The following SERGEF variants were observed in gnomAD, a reference collection of about 807,000 sequenced individuals.
The protein encoded by SERGEF is secretion-regulating guanine nucleotide exchange factor.
In SERGEF, 51 loss-of-function variants were observed where a neutral mutation model predicts 50.0. That is an observed-to-expected ratio of 1.02 (90% CI 0.81 to 1.29). The LOEUF is 1.29. Among genes scored for constraint, SERGEF ranks in the 50% most tolerant of loss-of-function variants. The probability of loss-of-function intolerance (pLI) is 0.00; values close to 1 mark genes in which losing one functional copy is unlikely to be tolerated. For synonymous variants in SERGEF, 205 were observed against 212.4 expected, an observed-to-expected ratio of 0.97 and a Z score of 0.30; for missense variants, 521 against 557.0, an observed-to-expected ratio of 0.94 and a Z score of 0.65.
chr11:17,944,057 A>G (rs1440540294), intron 9 of SERGEF, among the ~76,000 whole-genome samples: 1 of 152,102 alleles, frequency 6.6e-6, no homozygotes, highest in African/African-American at 2.4e-5. Context: ...CCTTCCAAGT[A>G]GCTGAGACTA....
At chr11:17,847,983 C>T (rs1274973684) in intron 10 of SERGEF, among the ~76,000 whole-genome samples, 2 of 152,066 alleles carry the variant, frequency 1.3e-5, no homozygotes, top group African/African-American at 4.8e-5. Context: ...ATTTTTCTTC[C>T]ATTATAAGCA....
At chr11:17,913,089 T>C (rs1851983798) in intron 9 of SERGEF, among the ~76,000 whole-genome samples, 1 of 152,096 alleles carries the variant, frequency 6.6e-6, no homozygotes, top group South Asian at 2.1e-4. Flanking sequence ...AAAGAAAAAA[T>C]ATCTGCACTA....
rs1400890475 is a variant in SERGEF, at chr11:17,884,115, A to C, written c.1012-5871T>G. Among the ~76,000 whole-genome samples, 1 of 152,302 alleles carries C rather than the reference A, an allele frequency of 6.6e-6. No homozygotes were observed. The highest frequency in any genetic ancestry group is 6.5e-5 in the Admixed American group (1 of 15,310). On this transcript the variant is annotated intron_variant, in intron 9 of 10. Coordinates refer to ENST00000265965, the MANE Select transcript of SERGEF (RefSeq NM_012139.4). This position sits in a 1 kb window ranked among gnomAD's most constrained non-coding sequence, Gnocchi z 4.6. ...GCCAGCCGCAGCCCAAAGGCCACCC[A>C]GGGTGCCAGATGGACAGCGAGGCCT...
At chr11:17,809,180 A>C (rs1294963063) in intron 10 of SERGEF, among the ~76,000 whole-genome samples, 1 of 152,212 alleles carries the variant, frequency 6.6e-6, no homozygotes, top group African/African-American at 2.4e-5. Flanking sequence ...GAGCATTCTA[A>C]GTAGATAGAA....
intron 9 of SERGEF, among the ~76,000 whole-genome samples, chr11:17,885,087 G>A (rs1405504594): frequency 2.6e-5 from 4 of 152,170 alleles, no homozygotes; most frequent in Non-Finnish European, 5.9e-5. Flanking sequence ...TTGATACAGA[G>A]TGTCCCTGTC....
intron 10 of SERGEF, among the ~76,000 whole-genome samples, chr11:17,843,435 T>G (rs557478303): frequency 6.6e-6 from 1 of 152,324 alleles, no homozygotes; most frequent in South Asian, 2.1e-4. Flanking sequence ...CAGGTGCCAT[T>G]CTCCTTATTT....
chr11:17,992,032 TC>T (rs1853720411), intron 7 of SERGEF, among the ~76,000 whole-genome samples: 1 of 152,166 alleles, frequency 6.6e-6, no homozygotes, highest in Admixed American at 6.5e-5. Flanking sequence ...GGGATTACTG[TC>T]ACTTTCAAGA....
intron 9 of SERGEF, among the ~76,000 whole-genome samples, chr11:17,901,041 C>T (rs1851740843): frequency 6.6e-6 from 1 of 152,014 alleles, no homozygotes; most frequent in Non-Finnish European, 1.5e-5. Context: ...CCCTTCCCAC[C>T]CCCAAATCTG....
At chr11:17,933,148 A>T (rs1016412876) in intron 9 of SERGEF, among the ~76,000 whole-genome samples, 1 of 152,204 alleles carries the variant, frequency 6.6e-6, no homozygotes, top group African/African-American at 2.4e-5. Flanking sequence ...TATAACAGCA[A>T]ATTTCCTGTA....
chr11:17,902,413 A>G (rs1851763845), intron 9 of SERGEF, among the ~76,000 whole-genome samples: 1 of 152,118 alleles, frequency 6.6e-6, no homozygotes, highest in Non-Finnish European at 1.5e-5. Flanking sequence ...GCCACAAGGG[A>G]GCAAACAGGA....
intron 10 of SERGEF, among the ~76,000 whole-genome samples, chr11:17,874,988 T>A (rs1223682180): frequency 6.6e-6 from 1 of 152,220 alleles, no homozygotes; most frequent in Non-Finnish European, 1.5e-5. Flanking sequence ...TTAGGCATTG[T>A]TCTTAGCACT....
intron 10 of SERGEF, among the ~76,000 whole-genome samples, chr11:17,797,273 C>T (rs552337459): frequency 6.8e-4 from 103 of 152,320 alleles, no homozygotes; most frequent in African/African-American, 2.3e-3. Flanking sequence ...TAAACAACAG[C>T]GGGTCTCCAG....
At chr11:17,812,181 A>G (rs1849887578) in intron 10 of SERGEF, among the ~76,000 whole-genome samples, 1 of 152,196 alleles carries the variant, frequency 6.6e-6, no homozygotes, top group Admixed American at 6.5e-5. Context: ...ACTGCACGGG[A>G]GACTGAGAAA....
intron 9 of SERGEF, among the ~76,000 whole-genome samples, chr11:17,955,725 C>T (rs550975397): frequency 7.2e-5 from 11 of 152,236 alleles, no homozygotes; most frequent in Non-Finnish European, 8.8e-5. Flanking sequence ...AGCATCATAC[C>T]AAGTCCCACA....
At chr11:17,791,960 C>T (rs1849490511) in intron 10 of SERGEF, among the ~76,000 whole-genome samples, 1 of 152,184 alleles carries the variant, frequency 6.6e-6, no homozygotes, top group Non-Finnish European at 1.5e-5. Flanking sequence ...CTCAGTTTGA[C>T]TTAAAATTTT....
intron 10 of SERGEF, among the ~76,000 whole-genome samples, chr11:17,824,217 C>T (rs1010676282): frequency 3.4e-4 from 51 of 151,810 alleles, no homozygotes; most frequent in Middle Eastern, 3.4e-3. Context: ...AGGAGAATGG[C>T]GTGAACCCAG....
intron 1 of SERGEF, 124 bp from the exon 2 acceptor site, chr11:18,008,200 G>A: frequency 1.0e-6 from 1 of 974,512 alleles, no homozygotes; most frequent in Non-Finnish European, 1.4e-6. Context: ...AGATTTATTA[G>A]GCTCATTCTT....
chr11:18,003,342 G>A (rs1265725234), intron 4 of SERGEF, among the ~76,000 whole-genome samples: 2 of 152,200 alleles, frequency 1.3e-5, no homozygotes, highest in African/African-American at 4.8e-5. Flanking sequence ...TAAGTATGAT[G>A]CACTGAAGTA....
chr11:17,816,861 A>C (rs1849983661), intron 10 of SERGEF, among the ~76,000 whole-genome samples: 1 of 152,206 alleles, frequency 6.6e-6, no homozygotes, highest in Non-Finnish European at 1.5e-5. Flanking sequence ...TGGGGCTGGA[A>C]TGTGGTGACA....
Sources: allele counts gnomAD v4.1 joint callset (sites outside exome capture counted in the v4.1 genomes callset), GRCh38; gene constraint gnomAD v4.1.1; non-coding constraint Gnocchi (gnomAD v3.1); transcripts MANE v1.5; gene names NCBI Gene and HGNC (gene_info 2026-07-23, HGNC 2026-07-21).